The following PLEKHA3 variants were observed in gnomAD, a reference collection of about 807,000 sequenced individuals.
PLEKHA3 encodes the protein pleckstrin homology domain-containing family A member 3.
Under a neutral mutation model 39.2 loss-of-function variants are expected in PLEKHA3, and 19 were observed. The ratio of observed to expected loss-of-function variants is 0.48; its 90% CI spans 0.34 to 0.71. The LOEUF (loss-of-function observed/expected upper bound fraction) is 0.71, where lower values mean the gene tolerates loss of function less well. Among genes scored for constraint, PLEKHA3 ranks in the 30% least tolerant of loss-of-function variants. The pLI is 0.01. For missense variants in PLEKHA3, 253 were observed against 359.5 expected (o/e 0.70, Z 2.40); for synonymous variants, 97 against 118.6 (o/e 0.82, Z 1.18).
intron 1 of PLEKHA3, among the ~76,000 whole-genome samples, chr2:178,484,784 C>T (rs1361121184): frequency 6.6e-6 from 1 of 152,206 alleles, no homozygotes; most frequent in Non-Finnish European, 1.5e-5. Flanking sequence ...CTCCGGGGAA[C>T]ACCAAGTTTG....
chr2:178,492,965 A>T (rs1488321177), intron 3 of PLEKHA3, among the ~76,000 whole-genome samples: 2 of 152,232 alleles, frequency 1.3e-5, no homozygotes, highest in Non-Finnish European at 2.9e-5. Context: ...GAATAGGCTT[A>T]AATATGAGCA....
chr2:178,499,500 A>G (rs1685497013), intron 6 of PLEKHA3, among the ~76,000 whole-genome samples: 1 of 152,132 alleles, frequency 6.6e-6, no homozygotes, highest in Non-Finnish European at 1.5e-5. Context: ...CAGCCATTTT[A>G]CCTTTTTTAG....
intron 5 of PLEKHA3, 43 bp from the exon 6 acceptor site, chr2:178,499,168 T>C (rs758228750): frequency 1.3e-5 from 20 of 1,561,598 alleles, no homozygotes; most frequent in Admixed American, 5.3e-5. Context: ...CTACTTGACA[T>C]ATGGATTATG....
At chr2:178,503,565 A>T (rs573373809) in intron 7 of PLEKHA3, among the ~76,000 whole-genome samples, 195 bp from the exon 8 acceptor site, 20 of 152,086 alleles carry the variant, frequency 1.3e-4, no homozygotes, top group African/African-American at 4.8e-4. Context: ...ATGAATTCTG[A>T]TGTTTCTCCT....
At position 178,495,482 on chromosome 2, in the gene PLEKHA3, G is replaced by C; in HGVS notation, c.451-14G>C. ...TGTATGCAAATCTGTTCAAGTCTTT[G>C]TGTAATTTTTCAGAACATGAATGAA... On this transcript the variant is annotated splice_polypyrimidine_tract_variant and intron_variant, in intron 4 of 7. Transcript: ENST00000234453. The C allele has an allele frequency of 6.2e-7, 1 of 1,613,490 alleles. No homozygotes were observed. The highest frequency in any genetic ancestry group is 1.1e-5 in the South Asian group (1 of 91,004).
At chr2:178,487,786 A>G (rs182955652) in intron 2 of PLEKHA3, among the ~76,000 whole-genome samples, 464 of 152,280 alleles carry the variant, frequency 3.0e-3, no homozygotes, top group Non-Finnish European at 5.2e-3. Flanking sequence ...TTCCAAAGTG[A>G]TTATATAAAT....
chr2:178,503,036 C>G (rs572133290), intron 7 of PLEKHA3, among the ~76,000 whole-genome samples: 1 of 151,932 alleles, frequency 6.6e-6, no homozygotes, highest in Non-Finnish European at 1.5e-5. Context: ...AAATATTCTT[C>G]TTGTGAGATG....
rs1685684020 is a variant in PLEKHA3, at chr2:178,511,451, G to GC, written c.*7565dup. ...TGCAGTGACACGATCTTGGCTCACTGCAACCTCCACCTCCGGGGCTCAAGC... is the reference window on the plus strand; with the variant it reads ...TGCAGTGACACGATCTTGGCTCACTGCCAACCTCCACCTCCGGGGCTCAAGC... On this transcript the variant is annotated 3_prime_UTR_variant, in exon 8 of 8. Coordinates refer to ENST00000234453, the MANE Select transcript of PLEKHA3 (RefSeq NM_019091.4). 6.7e-6 allele frequency: 1 copy of GC among 149,190 alleles called. No homozygotes were observed. The highest frequency in any genetic ancestry group is 2.5e-5 in the African/African-American group (1 of 40,280). 9.2% of individuals were successfully genotyped at this position (149,190 alleles called of 1,614,324 possible).
In PLEKHA3 at chr2:178,493,990, G is replaced by A; in HGVS notation, c.450+1G>A. The A allele has an allele frequency of 6.2e-7, 1 of 1,613,222 alleles. No homozygotes were observed. Among genetic ancestry groups the A allele is most frequent in the Non-Finnish European group, 8.5e-7 (1 of 1,179,678 alleles). On this transcript the variant is annotated splice_donor_variant, in intron 4 of 7. Coordinates refer to ENST00000234453, the MANE Select transcript of PLEKHA3 (RefSeq NM_019091.4). LOFTEE classifies it high-confidence loss of function. ...GAATCATTCATCTCCTAGTGCAGAG[G>A]TAGAGCGAAGAGGATCTCTTCACGT...
intron 1 of PLEKHA3, among the ~76,000 whole-genome samples, chr2:178,483,252 C>G (rs1168723064): frequency 2.0e-5 from 3 of 149,156 alleles, no homozygotes; most frequent in Non-Finnish European, 4.4e-5. Context: ...GAGCGAGACT[C>G]TATCTCAAAA....
chr2:178,486,832 T>C (rs1685258192), intron 2 of PLEKHA3, among the ~76,000 whole-genome samples: 2 of 152,246 alleles, frequency 1.3e-5, no homozygotes, highest in Admixed American at 1.3e-4. Context: ...GCCATAAACA[T>C]TCTTACACAT....
intron 7 of PLEKHA3, among the ~76,000 whole-genome samples, chr2:178,501,914 G>A (rs950164201): frequency 6.6e-6 from 1 of 151,954 alleles, no homozygotes; most frequent in South Asian, 2.1e-4. Flanking sequence ...TAAGGAACAG[G>A]TCGTGTTCCA....
chr2:178,483,189 G>A (rs181057007), intron 1 of PLEKHA3, among the ~76,000 whole-genome samples: 19 of 152,066 alleles, frequency 1.2e-4, no homozygotes, highest in Non-Finnish European at 2.6e-4. Flanking sequence ...AGCCTGGGAG[G>A]CAGAGGTTAC....
intron 7 of PLEKHA3, chr2:178,502,413 C>A: frequency 2.4e-6 from 1 of 410,160 alleles, no homozygotes. Context: ...TCAAGCAAGA[C>A]CTGGAAGAGA....
Position 178,480,785 on chromosome 2 carries a change from G to C in PLEKHA3, c.-85G>C. 1.7e-6 allele frequency: 2 copies of C among 1,208,562 alleles called. No individual in the cohort carries two copies. The highest frequency in any genetic ancestry group is 2.1e-6 in the Non-Finnish European group (2 of 939,718). 74.9% of individuals were successfully genotyped at this position (1,208,562 alleles called of 1,614,324 possible). A position where few individuals can be genotyped will look rare whatever the true frequency, so the allele number is the denominator to read the frequency against. On this transcript the variant is annotated 5_prime_UTR_variant, in exon 1 of 8. Transcript: ENST00000234453. ...CGGCGGAGGGGGCCCGGGCGGGCCG[G>C]GAGGGGCTGCCCCAGGCCCTGCGCC...
At chr2:178,495,769 G>C (rs1331342781) in intron 5 of PLEKHA3, 109 bp downstream of exon 5, 3 of 1,201,026 alleles carry the variant, frequency 2.5e-6, no homozygotes, top group Non-Finnish European at 3.5e-6. Context: ...TGGGGGGCGG[G>C]GAACAGCTAA....
chr2:178,505,176 A>G lies in PLEKHA3; in HGVS notation c.*1289A>G, dbSNP rs1011038949. On this transcript the variant is annotated 3_prime_UTR_variant, in exon 8 of 8. Transcript: ENST00000234453. ...TGTATATTTAGGCCTGCTGGTGAAGACACAAATGAAGCATAATTTTTGTTG... is the reference window on the plus strand; with the variant it reads ...TGTATATTTAGGCCTGCTGGTGAAGGCACAAATGAAGCATAATTTTTGTTG... 7.0e-4 allele frequency: 106 copies of G among 152,486 alleles called. No individual in the cohort carries two copies. Among genetic ancestry groups the G allele is most frequent in the African/African-American group, 2.5e-3 (103 of 41,558 alleles). The allele number at this position is 152,486 out of a possible 1,614,324, so 9.4% of individuals were successfully genotyped here.
chr2:178,500,225 C>T (rs1220565305), intron 6 of PLEKHA3, among the ~76,000 whole-genome samples: 1 of 151,912 alleles, frequency 6.6e-6, no homozygotes, highest in Non-Finnish European at 1.5e-5. Flanking sequence ...CTGTTAAATG[C>T]TGTTTTGTCA....
intron 4 of PLEKHA3, among the ~76,000 whole-genome samples, chr2:178,494,986 G>A (rs2154127827): frequency 6.7e-6 from 1 of 148,644 alleles, no homozygotes; most frequent in Admixed American, 6.8e-5. Flanking sequence ...GAATAGCCAT[G>A]ACTAGGTTAG....
Sources: allele counts gnomAD v4.1 joint callset (sites outside exome capture counted in the v4.1 genomes callset), GRCh38; gene constraint gnomAD v4.1.1; transcripts MANE v1.5; gene names NCBI Gene and HGNC (gene_info 2026-07-23, HGNC 2026-07-21).